Variants in DLGAP1 observed in about 807,000 individuals in gnomAD.
DLGAP1 encodes disks large-associated protein 1.
A neutral mutation model predicts 90.8 loss-of-function variants in DLGAP1; 11 were observed. The ratio of observed to expected loss-of-function variants is 0.12; its 90% CI spans 0.08 to 0.20. DLGAP1 has a LOEUF of 0.20. Among genes scored for constraint, DLGAP1 ranks in the 10% least tolerant of loss-of-function variants. The pLI is 1.00. For missense variants in DLGAP1, 1,050 were observed against 1,333.8 expected (o/e 0.79, Z 3.31); for synonymous variants, 558 against 540.7 (o/e 1.03, Z -0.44).
intron 6 of DLGAP1, among the ~76,000 whole-genome samples, chr18:3,740,520 G>A (rs1428098796): frequency 1.3e-5 from 2 of 152,074 alleles, no homozygotes; most frequent in South Asian, 2.1e-4. Context: ...TGCAGTTCCT[G>A]ATTTTTTTCT....
chr18:3,929,403 T>C (rs1194973054), intron 3 of DLGAP1, among the ~76,000 whole-genome samples: 9 of 152,238 alleles, frequency 5.9e-5, no homozygotes, highest in African/African-American at 1.9e-4. Context: ...CAGAGTTAGG[T>C]CACTGTCTCT....
intron 1 of DLGAP1, among the ~76,000 whole-genome samples, chr18:4,444,418 G>C (rs280978): frequency 0.94 from 142,799 of 152,256 alleles, 67,656 homozygotes; most frequent in East Asian, 1. Context: ...ACAGCATATG[G>C]TGCCATATCA....
At chr18:4,223,557 G>A (rs2078123488) in intron 1 of DLGAP1, among the ~76,000 whole-genome samples, 1 of 152,146 alleles carries the variant, frequency 6.6e-6, no homozygotes, top group Non-Finnish European at 1.5e-5. Context: ...AGTTAGAAAA[G>A]TGTGGTTAGT....
intron 7 of DLGAP1, among the ~76,000 whole-genome samples, chr18:3,692,105 T>G (rs61099373): frequency 0.16 from 23,913 of 152,092 alleles, 2,307 homozygotes; most frequent in East Asian, 0.45. Flanking sequence ...TTAGGAGGAC[T>G]TTGAAAAATT....
At chr18:3,705,259 C>T (rs1305143544) in intron 7 of DLGAP1, among the ~76,000 whole-genome samples, 3 of 151,496 alleles carry the variant, frequency 2.0e-5, no homozygotes, top group Non-Finnish European at 2.9e-5. Flanking sequence ...AGGGATTATT[C>T]CAGTTTATTT....
chr18:4,228,818 A>G (rs1222768712), intron 1 of DLGAP1, among the ~76,000 whole-genome samples: 1 of 151,984 alleles, frequency 6.6e-6, no homozygotes, highest in African/African-American at 2.4e-5. Flanking sequence ...TTTATTCAAC[A>G]TAATACTGGA....
chr18:4,130,171 G>C (rs1266092063), intron 2 of DLGAP1, among the ~76,000 whole-genome samples: 1 of 152,052 alleles, frequency 6.6e-6, no homozygotes, highest in Non-Finnish European at 1.5e-5. Context: ...AGCTGTTCTT[G>C]TTCTAGAGTA....
intron 3 of DLGAP1, among the ~76,000 whole-genome samples, chr18:3,888,194 C>G (rs1054718854): frequency 3.3e-5 from 5 of 150,280 alleles, no homozygotes; most frequent in Non-Finnish European, 7.4e-5. Context: ...CAAATGCCCA[C>G]TGTTTGGATA....
chr18:4,371,745 G>GC, intron 1 of DLGAP1, among the ~76,000 whole-genome samples: 1 of 121,952 alleles, frequency 8.2e-6, no homozygotes. Context: ...AGGCAAAATG[G>GC]TAAAAAGGCA....
intron 7 of DLGAP1, among the ~76,000 whole-genome samples, chr18:3,675,635 C>T (rs756036579): frequency 3.3e-5 from 5 of 152,198 alleles, no homozygotes; most frequent in African/African-American, 4.8e-5. Flanking sequence ...TCCACTCCAG[C>T]GGCCTCATCC....
chr18:4,389,886 C>T (rs915244247), intron 1 of DLGAP1, among the ~76,000 whole-genome samples: 2 of 152,168 alleles, frequency 1.3e-5, no homozygotes, highest in Non-Finnish European at 2.9e-5. Context: ...TTAAATATTA[C>T]TGGTGAATAG....
intron 7 of DLGAP1, among the ~76,000 whole-genome samples, chr18:3,605,194 C>A (rs1423473547): frequency 6.6e-6 from 1 of 152,156 alleles, no homozygotes; most frequent in African/African-American, 2.4e-5. Flanking sequence ...ATCAAGTTCC[C>A]TGGGTTTGCA....
At chr18:3,793,278 C>T (rs377486522) in intron 5 of DLGAP1, among the ~76,000 whole-genome samples, 2 of 152,174 alleles carry the variant, frequency 1.3e-5, no homozygotes, top group East Asian at 3.9e-4. Flanking sequence ...GCCCTGCCCT[C>T]AGGATGGGCA....
rs1247304058 is a variant in DLGAP1 at position 4,361,916 on chromosome 18, T to A, written c.-267+93090A>T. Reference sequence around the variant, plus strand: ...AACCAGAAGACCTAATTTAAAAGTATGCAAAGGACTTAGATAGACATTTCT... The same window carrying A: ...AACCAGAAGACCTAATTTAAAAGTAAGCAAAGGACTTAGATAGACATTTCT... On this transcript the variant is annotated intron_variant, in intron 1 of 12. Coordinates refer to ENST00000315677, the MANE Select transcript of DLGAP1 (RefSeq NM_004746.4). Among the ~76,000 whole-genome samples, 3 of 152,122 alleles carry A rather than the reference T, an allele frequency of 2.0e-5. No individual in the cohort carries two copies. In the South Asian group the frequency reaches 6.2e-4, roughly 32 times the overall value.
intron 7 of DLGAP1, among the ~76,000 whole-genome samples, chr18:3,716,678 T>C (rs1378112272): frequency 1.3e-5 from 2 of 152,078 alleles, no homozygotes; most frequent in Non-Finnish European, 2.9e-5. Context: ...TTCCTTCTAG[T>C]ATTTTTTTTT....
At chr18:4,148,383 A>G (rs2076621115) in intron 2 of DLGAP1, among the ~76,000 whole-genome samples, 1 of 152,212 alleles carries the variant, frequency 6.6e-6, no homozygotes, top group Non-Finnish European at 1.5e-5. Context: ...ATAATGATGA[A>G]TTGGTAAATC....
At chr18:4,040,151 G>T (rs1373436040) in intron 2 of DLGAP1, among the ~76,000 whole-genome samples, 1 of 152,174 alleles carries the variant, frequency 6.6e-6, no homozygotes, top group Non-Finnish European at 1.5e-5. Flanking sequence ...GGGTCAAATT[G>T]TAACTCTACC....
At chr18:4,056,948 G>T (rs2075225924) in intron 2 of DLGAP1, among the ~76,000 whole-genome samples, 1 of 150,506 alleles carries the variant, frequency 6.6e-6, no homozygotes, top group African/African-American at 2.4e-5. Context: ...GACTGGAGAA[G>T]ATAACTAGGA....
chr18:4,083,385 G>T (rs1355169958), intron 2 of DLGAP1, among the ~76,000 whole-genome samples: 2 of 152,006 alleles, frequency 1.3e-5, no homozygotes, highest in South Asian at 2.1e-4. Context: ...TATTATAAAA[G>T]TAATGAATGT....
Sources: allele counts gnomAD v4.1 joint callset (sites outside exome capture counted in the v4.1 genomes callset), GRCh38; gene constraint gnomAD v4.1.1; transcripts MANE v1.5; gene names NCBI Gene and HGNC (gene_info 2026-07-23, HGNC 2026-07-21).